The following ZSWIM5 variants were observed in gnomAD, a reference collection of about 807,000 sequenced individuals.
ZSWIM5 encodes the protein zinc finger SWIM-type containing 5, also known as zinc finger SWIM domain-containing protein 5.
ZSWIM5 carries 55 observed loss-of-function variants against 119.6 expected under a neutral mutation model. The ratio of observed to expected loss-of-function variants is 0.46; its 90% CI spans 0.37 to 0.58. The LOEUF (loss-of-function observed/expected upper bound fraction) is 0.58, where lower values mean the gene tolerates loss of function less well. ZSWIM5 is among the 20% of genes least tolerant of loss of function. The pLI is 0.00. For synonymous variants in ZSWIM5, 537 were observed against 606.9 expected, an observed-to-expected ratio of 0.88 and a Z score of 1.69; for missense variants, 1,193 against 1,512.8, an observed-to-expected ratio of 0.79 and a Z score of 3.51.
At chr1:45,082,714 C>T (rs1326128633) in intron 2 of ZSWIM5, among the ~76,000 whole-genome samples, 8 of 152,102 alleles carry the variant, frequency 5.3e-5, no homozygotes, top group Admixed American at 2.0e-4. Context: ...AGTAGTAGTT[C>T]CTGGGGAAGG....
rs184028079 is a variant in ZSWIM5 at position 45,055,967 on chromosome 1, A to C, written c.1252+2642T>G. Among the ~76,000 whole-genome samples the C allele has an allele frequency of 2.6e-5, 4 of 152,322 alleles. No homozygotes were observed. The East Asian group carries it at 7.7e-4, about 29-fold the overall frequency. ...AACATAGCGAGACCCTGTTGCTACA[A>C]AAGGAAGGAAAAATAAAAGAGTATG... On this transcript the variant is annotated intron_variant, in intron 4 of 13. Transcript: ENST00000359600.
intron 11 of ZSWIM5, among the ~76,000 whole-genome samples, chr1:45,027,597 T>C (rs1644928296): frequency 6.6e-6 from 1 of 152,082 alleles, no homozygotes. Flanking sequence ...GGTTTCTCCA[T>C]GTTGGTCAGC....
intron 1 of ZSWIM5, among the ~76,000 whole-genome samples, chr1:45,115,052 C>T (rs141578964): frequency 6.6e-6 from 1 of 152,268 alleles, no homozygotes; most frequent in South Asian, 2.1e-4. Flanking sequence ...TCTTTCCACA[C>T]AGACACAGTA....
rs1420670175 is a variant in ZSWIM5 at position 45,205,903 on chromosome 1, C to G, written c.448G>C (p.Gly150Arg). The G allele has an allele frequency of 1.9e-6, 2 of 1,042,258 alleles. No homozygotes were observed. The highest frequency in any genetic ancestry group is 5.7e-5 in the Admixed American group (1 of 17,558). The allele number at this position is 1,042,258 out of a possible 1,614,324, so 64.6% of individuals were successfully genotyped here. A position where few individuals can be genotyped will look rare whatever the true frequency, so the allele number is the denominator to read the frequency against. ...QPPPGAAAPA[G>R]SAPGGVAAGA... ...GCCGCGACGCCCCCGGGGGCGGAGC[C>G]GGCCGGAGCGGCGGCCCCGGGGGGT... The change falls in exon 1 of 14, where the codon GGC (glycine) becomes CGC (arginine). Residue 150 changes from glycine (G) to arginine (R), a missense_variant. Gly to Arg is a moderately radical substitution (Grantham distance 125). Around this residue, in one of 2 missense-constraint regions of ZSWIM5, gnomAD observed 232 missense variants for 222.9 expected, o/e 1.04. Coordinates refer to ENST00000359600, the MANE Select transcript of ZSWIM5 (RefSeq NM_020883.2).
rs1472971528 is a variant in ZSWIM5 at position 45,206,148 on chromosome 1, C to T, written c.203G>A (p.Cys68Tyr). 6.2e-7 allele frequency: 1 copy of T among 1,610,334 alleles called. No individual in the cohort carries two copies. Among genetic ancestry groups the T allele is most frequent in the South Asian group, 1.1e-5 (1 of 90,706 alleles). The change falls in exon 1 of 14, where the codon TGC becomes TAC. Residue 68 changes from cysteine to tyrosine, a missense_variant. Physicochemically the swap from Cys to Tyr is radical, Grantham distance 194. Transcript: ENST00000359600. ...PHLQPDSLLD[C>Y]AAKTVAEKWA... ...CTTTTCCGCCACCGTCTTGGCGGCG[C>T]AGTCCAGTAAGGAATCCGGCTGCAG... is the stretch of plus-strand genomic sequence containing the variant.
chr1:45,029,717 T>C (rs1419425866), intron 11 of ZSWIM5, among the ~76,000 whole-genome samples: 1 of 152,212 alleles, frequency 6.6e-6, no homozygotes, highest in African/African-American at 2.4e-5. Context: ...GTGTCTAGCT[T>C]ATTTCACTTA....
intron 1 of ZSWIM5, among the ~76,000 whole-genome samples, chr1:45,112,779 A>G (rs1056839114): frequency 1.3e-5 from 2 of 152,228 alleles, no homozygotes; most frequent in African/African-American, 4.8e-5. Context: ...GACAACTCAT[A>G]AATCTATCCA....
intron 1 of ZSWIM5, among the ~76,000 whole-genome samples, chr1:45,116,379 A>G (rs1245414761): frequency 1.3e-5 from 2 of 152,216 alleles, no homozygotes; most frequent in Non-Finnish European, 2.9e-5. Flanking sequence ...CTTCATGAGC[A>G]ATCTCTTTTC....
intron 11 of ZSWIM5, among the ~76,000 whole-genome samples, chr1:45,021,894 A>G (rs1161205826): frequency 6.6e-6 from 1 of 151,484 alleles, no homozygotes; most frequent in Non-Finnish European, 1.5e-5. Context: ...TGGTGGCGTG[A>G]GCCTGTAGTC....
At chr1:45,175,597 T>C (rs1191283582) in intron 1 of ZSWIM5, among the ~76,000 whole-genome samples, 1 of 151,940 alleles carries the variant, frequency 6.6e-6, no homozygotes, top group Admixed American at 6.6e-5. Flanking sequence ...ACCACAGGCA[T>C]GCACCACCAT....
chr1:45,033,090 T>G (rs953595330), intron 11 of ZSWIM5, among the ~76,000 whole-genome samples: 2 of 152,134 alleles, frequency 1.3e-5, no homozygotes, highest in African/African-American at 4.8e-5. Flanking sequence ...CTACCGCCAC[T>G]CCCCACTTGA....
chr1:45,159,700 T>A (rs1263183759), intron 1 of ZSWIM5, among the ~76,000 whole-genome samples: 4 of 152,080 alleles, frequency 2.6e-5, no homozygotes, highest in Admixed American at 2.6e-4. Context: ...GCGCTTCTCC[T>A]GCCTCAGCCT....
intron 1 of ZSWIM5, among the ~76,000 whole-genome samples, chr1:45,144,730 C>A (rs1463420260): frequency 6.6e-6 from 1 of 152,114 alleles, no homozygotes; most frequent in Non-Finnish European, 1.5e-5. Flanking sequence ...TAAAACACAG[C>A]AGGATATCTT....
At chr1:45,092,549 C>A (rs968606944) in intron 1 of ZSWIM5, among the ~76,000 whole-genome samples, 5 of 117,562 alleles carry the variant, frequency 4.3e-5, no homozygotes, top group African/African-American at 9.6e-5. Flanking sequence ...CCCCCCCCCC[C>A]CCGCCAGCCT....
At chr1:45,135,514 C>T (rs901454816) in intron 1 of ZSWIM5, among the ~76,000 whole-genome samples, 2 of 152,162 alleles carry the variant, frequency 1.3e-5, no homozygotes. Context: ...AAATCTTAGA[C>T]TTCGTTATCT....
At chr1:45,185,059 T>C (rs546427772) in intron 1 of ZSWIM5, among the ~76,000 whole-genome samples, 68 of 152,092 alleles carry the variant, frequency 4.5e-4, no homozygotes, top group African/African-American at 1.2e-3. Context: ...GAGATATAGA[T>C]CAATGGAACA....
At chr1:45,053,479 T>C (rs1374913532) in intron 4 of ZSWIM5, among the ~76,000 whole-genome samples, 1 of 152,002 alleles carries the variant, frequency 6.6e-6, no homozygotes, top group African/African-American at 2.4e-5. Flanking sequence ...AAGGGGATCC[T>C]GGCCGGGTGC....
chr1:45,189,694 T>G (rs1646079914), intron 1 of ZSWIM5, among the ~76,000 whole-genome samples: 1 of 152,134 alleles, frequency 6.6e-6, no homozygotes, highest in South Asian at 2.1e-4. Flanking sequence ...AGGTAGGGGC[T>G]GCAGTAAGCC....
chr1:45,094,023 ATATTTATT>A (rs66921356), intron 1 of ZSWIM5, among the ~76,000 whole-genome samples: 1,870 of 134,364 alleles, frequency 0.014, 19 homozygotes, highest in South Asian at 0.036. Context: ...TTTTATTTTT[ATATTTATT>A]TATTTATTTA....
Sources: gnomAD v4.1 joint callset for allele counts (sites outside exome capture counted in the v4.1 genomes callset) on GRCh38, gnomAD v4.1.1 for gene constraint, gnomAD v4.1.1 regional missense constraint, MANE v1.5 for transcripts, NCBI Gene and HGNC (gene_info 2026-07-23, HGNC 2026-07-21) for gene names.